ZNF18: variants seen among roughly 807,000 people sequenced by gnomAD.
ZNF18 encodes heart development-specific gene 1 protein.
A neutral mutation model predicts 58.1 loss-of-function variants in ZNF18; 42 were observed. The ratio of observed to expected loss-of-function variants is 0.72; its 90% confidence interval spans 0.56 to 0.93. ZNF18 has a LOEUF of 0.93. ZNF18 is among the 40% of genes least tolerant of loss of function. The pLI is 0.00. For missense variants in ZNF18, 540 were observed against 644.2 expected (o/e 0.84, Z 1.75); for synonymous variants, 231 against 239.8 (o/e 0.96, Z 0.34).
chr17:12,020,074 T>C, the ZNF18 span, among the ~76,000 whole-genome samples: 2 of 152,234 alleles, frequency 1.3e-5, no homozygotes, highest in Non-Finnish European at 2.9e-5. Context: ...TTTTTGGGGT[T>C]GTCATTTTAT....
intron 6 of ZNF18, among the ~76,000 whole-genome samples, chr17:11,982,766 T>G (rs552903831): frequency 6.6e-6 from 1 of 152,006 alleles, no homozygotes; most frequent in African/African-American, 2.4e-5. Flanking sequence ...AAAGAATGAC[T>G]ATTTTACAAG....
upstream of ZNF18, chr17:12,002,411 A>C (rs528074006): frequency 3.3e-5 from 5 of 152,284 alleles, no homozygotes; most frequent in South Asian, 1.0e-3. Flanking sequence ...AAATATATAA[A>C]ATAAAAAAAT....
intron 5 of ZNF18, 92 bp from the exon 6 acceptor site, chr17:11,983,499 G>A (rs1967517781): frequency 1.0e-6 from 1 of 960,188 alleles, no homozygotes; most frequent in African/African-American, 1.6e-5. Flanking sequence ...TACGCATGAG[G>A]GAAAATATGA....
At chr17:12,020,782 G>C in the ZNF18 span, 3 of 460,842 alleles carry the variant, frequency 6.5e-6, no homozygotes, top group Non-Finnish European at 1.0e-5. Context: ...GGGCGTGTCG[G>C]AGGCGGGGCC....
intron 5 of ZNF18, 82 bp from the exon 6 acceptor site, chr17:11,983,489 T>A: frequency 9.5e-7 from 1 of 1,051,104 alleles, no homozygotes; most frequent in Non-Finnish European, 1.5e-6. Context: ...AGGAGCACCC[T>A]ACGCATGAGG....
chr17:11,983,193 T>C (rs1178447526), intron 6 of ZNF18, 104 bp downstream of exon 6: 2 of 773,824 alleles, frequency 2.6e-6, no homozygotes, highest in East Asian at 2.5e-5. Flanking sequence ...ACCAACGTAA[T>C]AGAATATTCT....
chr17:12,020,770 C>A, the ZNF18 span: 5 of 426,066 alleles, frequency 1.2e-5, no homozygotes, highest in African/African-American at 8.2e-5. Context: ...GAGGCGTGTC[C>A]GGGGCGTGTC....
the ZNF18 span, chr17:12,020,967 G>T: frequency 8.4e-7 from 1 of 1,189,754 alleles, no homozygotes; most frequent in Non-Finnish European, 1.0e-6. Flanking sequence ...TAGGGTCCCC[G>T]GCGCCAGGCC....
the ZNF18 span, among the ~76,000 whole-genome samples, chr17:12,016,486 T>C: frequency 4.6e-5 from 7 of 152,110 alleles, no homozygotes; most frequent in African/African-American, 1.2e-4. Context: ...TGCGCCACCA[T>C]GCTCGGCTAA....
chr17:12,001,128 C>G (rs1968648610), upstream of ZNF18, among the ~76,000 whole-genome samples: 2 of 152,090 alleles, frequency 1.3e-5, no homozygotes, highest in Admixed American at 1.3e-4. Context: ...CTCACATAAT[C>G]TAGGCCACAT....
At chr17:11,985,489 A>C (rs1967675866) in intron 4 of ZNF18, among the ~76,000 whole-genome samples, 2 of 152,210 alleles carry the variant, frequency 1.3e-5, no homozygotes, top group African/African-American at 4.8e-5. Context: ...TAAATAATGC[A>C]AGTGTCACCT....
At chr17:11,995,819 T>C (rs568134014) in intron 1 of ZNF18, 6 of 152,234 alleles carry the variant, frequency 3.9e-5, no homozygotes, top group African/African-American at 1.4e-4. Context: ...AGAGTATTCA[T>C]CAAAACAGAC....
intron 6 of ZNF18, among the ~76,000 whole-genome samples, chr17:11,980,172 G>A (rs1420691611): frequency 1.3e-5 from 2 of 152,130 alleles, no homozygotes; most frequent in Non-Finnish European, 2.9e-5. Flanking sequence ...GGCAGAGGGG[G>A]AAGTGGGTAT....
chr17:11,989,367 G>C (rs1218762719), intron 4 of ZNF18, among the ~76,000 whole-genome samples: 1 of 152,106 alleles, frequency 6.6e-6, no homozygotes, highest in Non-Finnish European at 1.5e-5. Context: ...ATACAAAGAA[G>C]TGGGAAAATA....
the ZNF18 span, among the ~76,000 whole-genome samples, chr17:12,013,400 G>A: frequency 2.1e-3 from 314 of 152,178 alleles, 1 homozygote; most frequent in African/African-American, 6.9e-3. Flanking sequence ...GACTTGTGTC[G>A]TTCTTAGAAA....
the ZNF18 span, chr17:12,021,111 C>A: frequency 1.7e-6 from 1 of 580,422 alleles, no homozygotes; most frequent in South Asian, 8.6e-5. Flanking sequence ...CCACGGCAGC[C>A]GCCGGCTTCT....
At chr17:11,981,209 G>A (rs563178527) in intron 6 of ZNF18, among the ~76,000 whole-genome samples, 9 of 152,106 alleles carry the variant, frequency 5.9e-5, no homozygotes, top group Non-Finnish European at 1.2e-4. Context: ...CGGACAGCCC[G>A]ACTCCTGCAC....
In ZNF18 at chr17:11,978,374, C is replaced by T; in HGVS notation, c.1233G>A (p.Arg411=). 1 of 1,555,804 alleles carries T rather than the reference C, an allele frequency of 6.4e-7. No individual in the cohort carries two copies. The highest frequency in any genetic ancestry group is 8.7e-7 in the Non-Finnish European group (1 of 1,155,224). ...TCCTATAAAAGGTCTTCCCACACTC[C>T]CTGCAGGTGGGGAGCTTCTGGGCCA... is the stretch of plus-strand genomic sequence containing the variant. ...APMAQKLPTC[R]ECGKTFYRNS... The change falls in exon 7 of 7, where the codon AGG becomes AGA. Residue 411 remains arginine, a synonymous_variant. Transcript: ENST00000580306.
In ZNF18 at chr17:11,992,521, T is replaced by C; in HGVS notation, c.309A>G (p.Lys103=). Residue 103 remains lysine, a synonymous_variant, in exon 2 of 7, where the codon AAA becomes AAG. Coordinates refer to ENST00000580306, the MANE Select transcript of ZNF18 (RefSeq NM_001303281.2). ...CCTCTTCTCCACTTCCTGGACACTG[T>C]TTCCGCACCCACATCTGGATCTCCC... The part of the protein sequence containing the change: ...LPGEIQMWVR[K]QCPGSGEEAV... 6.2e-7 allele frequency: 1 copy of C among 1,614,210 alleles called. No homozygotes were observed. The highest frequency in any genetic ancestry group is 8.5e-7 in the Non-Finnish European group (1 of 1,180,032).
Sources: allele counts gnomAD v4.1 joint callset (sites outside exome capture counted in the v4.1 genomes callset), GRCh38; gene constraint gnomAD v4.1.1; transcripts MANE v1.5; gene names NCBI Gene and HGNC (gene_info 2026-07-23, HGNC 2026-07-21).